The following ARHGAP6 variants were observed in gnomAD, a reference collection of about 807,000 sequenced individuals.
ARHGAP6 encodes Rho GTPase activating protein 6, also known as rho GTPase-activating protein 6.
Under a neutral mutation model 55.7 loss-of-function variants are expected in ARHGAP6, and 16 were observed. That is an observed-to-expected ratio of 0.29 (90% CI 0.19 to 0.44). The LOEUF is 0.44. Among genes scored for constraint, ARHGAP6 ranks in the 20% least tolerant of loss-of-function variants. The pLI is 1.00. For synonymous variants in ARHGAP6, 382 were observed against 360.9 expected, an observed-to-expected ratio of 1.06 and a Z score of -0.66; for missense variants, 698 against 808.9, an observed-to-expected ratio of 0.86 and a Z score of 1.66.
At chrX:11,248,381 CA>C (rs2047379474) in intron 2 of ARHGAP6, among the ~76,000 whole-genome samples, 1 of 111,624 alleles carries the variant, frequency 9.0e-6, no homozygotes, top group Admixed American at 9.5e-5. Context: ...TGCAAGAACC[CA>C]AAAGCAAATG....
chrX:11,241,569 T>TGCGC (rs58942549), intron 2 of ARHGAP6, among the ~76,000 whole-genome samples: 8 of 102,693 alleles, frequency 7.8e-5, no homozygotes, highest in Non-Finnish European at 1.2e-4. Flanking sequence ...TGTGTGTGTG[T>TGCGC]GTGTGCGCGT....
In ARHGAP6 at chrX:11,254,676, C is replaced by T. The variant is rs746145272; in HGVS notation, c.620G>A (p.Arg207His). ...GDFTWNSMSG[R>H]SVRLRSVPIQ... ...GGGGACTGACCTCAGCCGTACACTG[C>T]GGCCTGACATGCTGTTCCAGGTGAA... Residue 207 changes from arginine to histidine, a missense_variant, in exon 2 of 13, where the codon CGC becomes CAC. This residue lies in a region of ARHGAP6 where 322 missense variants were observed against 451.1 expected (regional missense o/e 0.71). Coordinates refer to ENST00000337414, the MANE Select transcript of ARHGAP6 (RefSeq NM_013427.3). 22 of 1,173,231 alleles carry T rather than the reference C, an allele frequency of 1.9e-5. No individual in the cohort carries two copies. Among genetic ancestry groups the T allele is most frequent in the Admixed American group, 2.4e-5 (1 of 41,714 alleles).
intron 2 of ARHGAP6, among the ~76,000 whole-genome samples, chrX:11,202,526 G>A (rs2046643101): frequency 9.0e-6 from 1 of 110,957 alleles, no homozygotes; most frequent in Non-Finnish European, 1.9e-5. Flanking sequence ...TATAAGAATT[G>A]GGTGGGCATG....
intron 5 of ARHGAP6, among the ~76,000 whole-genome samples, chrX:11,183,927 A>G (rs1449032629): frequency 8.9e-6 from 1 of 112,063 alleles, no homozygotes; most frequent in Admixed American, 9.5e-5. Context: ...AGCATCATGT[A>G]TATTAATTCT....
chrX:11,147,943 G>A (rs778366083), intron 10 of ARHGAP6, among the ~76,000 whole-genome samples: 1 of 112,180 alleles, frequency 8.9e-6, no homozygotes, highest in African/African-American at 3.2e-5. Context: ...GTGCCTGATG[G>A]TGGCTAAAAC....
At chrX:11,157,555 T>C (rs12156851) in intron 9 of ARHGAP6, among the ~76,000 whole-genome samples, 2,521 of 112,340 alleles carry the variant, frequency 0.022, 29 homozygotes, top group Middle Eastern at 0.055. Context: ...TGAACCCAGC[T>C]CTGACTTGTG....
intron 2 of ARHGAP6, among the ~76,000 whole-genome samples, chrX:11,204,138 T>C (rs1222879799): frequency 8.9e-6 from 1 of 112,443 alleles, no homozygotes; most frequent in African/African-American, 3.2e-5. Context: ...TGAATCTTTT[T>C]ACAATTGAGA....
intron 1 of ARHGAP6, among the ~76,000 whole-genome samples, chrX:11,275,987 C>T (rs1455163387): frequency 9.0e-6 from 1 of 111,729 alleles, no homozygotes; most frequent in Non-Finnish European, 1.9e-5. Flanking sequence ...CTATAAGGAA[C>T]ACCAAAACAT....
At chrX:11,389,478 G>T (rs1197592686) in intron 1 of ARHGAP6, among the ~76,000 whole-genome samples, 1 of 112,566 alleles carries the variant, frequency 8.9e-6, no homozygotes, top group African/African-American at 3.2e-5. Context: ...GGCCAACCAA[G>T]TGAAGTTGCT....
chrX:11,140,070 G>C (rs149085940), intron 12 of ARHGAP6, among the ~76,000 whole-genome samples: 1 of 110,595 alleles, frequency 9.0e-6, no homozygotes, highest in East Asian at 2.8e-4. Flanking sequence ...TCACCCAATC[G>C]TTCCCCTTTA....
At chrX:11,280,007 G>A (rs920700268) in intron 1 of ARHGAP6, among the ~76,000 whole-genome samples, 3 of 111,115 alleles carry the variant, frequency 2.7e-5, no homozygotes, top group Non-Finnish European at 5.7e-5. Flanking sequence ...AGACATTTTT[G>A]GTTGTCACAA....
At chrX:11,169,790 C>CT in intron 8 of ARHGAP6, 106 bp from the exon 9 acceptor site, 1 of 600,890 alleles carries the variant, frequency 1.7e-6, no homozygotes, top group Non-Finnish European at 2.4e-6. Flanking sequence ...TTTTTTAATC[C>CT]TGCAAGGATG....
chrX:11,517,089 T>C (rs1180165191), intron 1 of ARHGAP6, among the ~76,000 whole-genome samples: 3 of 112,134 alleles, frequency 2.7e-5, no homozygotes, highest in African/African-American at 6.5e-5. Context: ...ACAAGAGGCA[T>C]TGATGTAGCT....
intron 1 of ARHGAP6, among the ~76,000 whole-genome samples, chrX:11,416,259 G>A (rs2049746130): frequency 9.0e-6 from 1 of 110,964 alleles, no homozygotes; most frequent in African/African-American, 3.3e-5. Flanking sequence ...GTATCTGCGT[G>A]GTAATGGTGA....
chrX:11,655,739 C>T (rs373211391), intron 1 of ARHGAP6, among the ~76,000 whole-genome samples: 1 of 112,512 alleles, frequency 8.9e-6, no homozygotes, highest in South Asian at 3.7e-4. Context: ...CACAGTCTCA[C>T]TCTCTTTATC....
At chrX:11,626,160 C>T (rs770018191) in intron 1 of ARHGAP6, among the ~76,000 whole-genome samples, 23 of 111,013 alleles carry the variant, frequency 2.1e-4, no homozygotes, top group African/African-American at 7.5e-4. Flanking sequence ...AATACAAATA[C>T]AATAAAATCT....
chrX:11,398,262 TAAA>T (rs60548732), intron 1 of ARHGAP6, among the ~76,000 whole-genome samples: 1 of 58,827 alleles, frequency 1.7e-5, no homozygotes, highest in African/African-American at 5.5e-5. Context: ...GTAAGTGCTA[TAAA>T]AAAAAAAAAA....
At chrX:11,319,577 C>T (rs903091572) in intron 1 of ARHGAP6, among the ~76,000 whole-genome samples, 4 of 112,040 alleles carry the variant, frequency 3.6e-5, no homozygotes, top group Admixed American at 9.5e-5. Flanking sequence ...TACAGTTACC[C>T]GCACATATTT....
intron 2 of ARHGAP6, among the ~76,000 whole-genome samples, chrX:11,237,352 T>G (rs1463254666): frequency 8.9e-6 from 1 of 112,094 alleles, no homozygotes; most frequent in Non-Finnish European, 1.9e-5. Flanking sequence ...TTCAGGTGGT[T>G]TTTAGCCCAC....
Sources: gnomAD v4.1 joint callset for allele counts (sites outside exome capture counted in the v4.1 genomes callset) on GRCh38, gnomAD v4.1.1 for gene constraint, gnomAD v4.1.1 regional missense constraint, MANE v1.5 for transcripts, NCBI Gene and HGNC (gene_info 2026-07-23, HGNC 2026-07-21) for gene names.